Variants in CHD7 observed in about 807,000 individuals in gnomAD.
The protein encoded by CHD7 is ATP-dependent chromatin remodeler CHD7.
A neutral mutation model predicts 307.3 loss-of-function variants in CHD7; 24 were observed. The ratio of observed to expected loss-of-function variants is 0.08; its 90% confidence interval spans 0.06 to 0.11. The LOEUF (loss-of-function observed/expected upper bound fraction) is 0.11, where lower values mean the gene tolerates loss of function less well. Among genes scored for constraint, CHD7 ranks in the 10% least tolerant of loss-of-function variants. The probability of loss-of-function intolerance (pLI) is 1.00; values close to 1 mark genes in which losing one functional copy is unlikely to be tolerated. For missense variants in CHD7, 3,106 were observed against 3,727.1 expected, an observed-to-expected ratio of 0.83 and a Z score of 4.34; for synonymous variants, 1,363 against 1,349.9, an observed-to-expected ratio of 1.01 and a Z score of -0.21.
intron 1 of CHD7, among the ~76,000 whole-genome samples, chr8:60,736,595 C>T (rs972756012): frequency 6.6e-6 from 1 of 152,312 alleles, no homozygotes; most frequent in African/African-American, 2.4e-5. Context: ...CTATACCTCA[C>T]GCTCTTTGGA....
rs1233773478 is a variant in CHD7, at chr8:60,844,856, C to T, written c.4851-8C>T. 1 of 1,574,830 alleles carries T rather than the reference C, an allele frequency of 6.3e-7. No homozygotes were observed. Among genetic ancestry groups the T allele is most frequent in the Non-Finnish European group, 8.6e-7 (1 of 1,157,062 alleles). On this transcript the variant is annotated splice_polypyrimidine_tract_variant and splice_region_variant and intron_variant, in intron 21 of 37. Transcript: ENST00000423902. ...GGCACCTCTGCATGCTGGATATTTG[C>T]TTTGCAGTTGGGGACGGTGGACAGA...
Position 60,741,422 on chromosome 8 carries a change from G to A in CHD7, c.-11G>A, listed in dbSNP as rs748889901. On this transcript the variant is annotated 5_prime_UTR_variant, in exon 2 of 38. Transcript: ENST00000423902. ...GAGCTGTGGTTTGGAGGAGCCGTGT[G>A]TTGGAAGAAGATGGCAGATCCAGGA... is the stretch of plus-strand genomic sequence containing the variant. 1.3e-6 allele frequency: 2 copies of A among 1,589,664 alleles called. No individual in the cohort carries two copies.
At chr8:60,836,760 G>C (rs2150776828) in intron 16 of CHD7, 57 bp from the exon 17 acceptor site, 2 of 1,247,246 alleles carry the variant, frequency 1.6e-6, no homozygotes, top group East Asian at 4.8e-5. Flanking sequence ...TTAAAAAAAG[G>C]AGCAAGTATG....
Position 60,742,327 on chromosome 8 carries a change from G to A in CHD7, c.895G>A (p.Val299Ile). The change falls in exon 2 of 38, where the codon GTC (valine) becomes ATC (isoleucine). Residue 299 changes from valine to isoleucine, a missense_variant. Physicochemically the swap from Val to Ile is conservative, Grantham distance 29. Transcript: ENST00000423902. ...TLNFSSRSQT[V>I]PSPTINNSGQ... ...TAACTTTAGTTCTCGGAGCCAGACA[G>A]TCCCCTCTCCTACTATAAACAACTC... The A allele has an allele frequency of 7.4e-6, 12 of 1,613,930 alleles. No individual in the cohort carries two copies. The highest frequency in any genetic ancestry group is 1.0e-5 in the Non-Finnish European group (12 of 1,179,888).
In CHD7 at chr8:60,742,753, G is replaced by T. The variant is rs1353746682; in HGVS notation, c.1321G>T (p.Gly441Cys). 3 of 1,613,886 alleles carry T rather than the reference G, an allele frequency of 1.9e-6. No individual in the cohort carries two copies. The African/African-American group carries it at 4.0e-5, about 22-fold the overall frequency. ...PHPQPSHQPP[G>C]AMGIGQRNMG... The stretch of plus-strand genomic sequence containing the variant: ...TCCTCAGCCATCTCACCAGCCCCCT[G>T]GTGCCATGGGAATCGGACAGAGGAA... Residue 441 changes from glycine to cysteine, a missense_variant, in exon 2 of 38, where the codon GGT becomes TGT. Coordinates refer to ENST00000423902, the MANE Select transcript of CHD7 (RefSeq NM_017780.4).
chr8:60,754,579 T>C (rs1809794468), intron 2 of CHD7, among the ~76,000 whole-genome samples: 1 of 152,186 alleles, frequency 6.6e-6, no homozygotes, highest in Non-Finnish European at 1.5e-5. Context: ...ACTTACTAGA[T>C]TCTCCATAAG....
chr8:60,778,471 T>A (rs1811056790), intron 2 of CHD7, among the ~76,000 whole-genome samples: 1 of 152,238 alleles, frequency 6.6e-6, no homozygotes, highest in South Asian at 2.1e-4. Context: ...CATGCTAAAG[T>A]GTGTAAACTT....
chr8:60,775,675 T>C (rs2150656901), intron 2 of CHD7, among the ~76,000 whole-genome samples: 1 of 152,364 alleles, frequency 6.6e-6, no homozygotes, highest in East Asian at 1.9e-4. Flanking sequence ...GGACACTCTC[T>C]GTACTGTCTC....
chr8:60,707,723 G>T (rs775579562), intron 1 of CHD7, among the ~76,000 whole-genome samples: 10 of 152,068 alleles, frequency 6.6e-5, no homozygotes, highest in South Asian at 2.1e-4. Flanking sequence ...GAGGGTAAAA[G>T]AAATCTTTAG....
intron 15 of CHD7, among the ~76,000 whole-genome samples, chr8:60,831,108 A>T (rs1804498015): frequency 6.6e-6 from 1 of 152,174 alleles, no homozygotes; most frequent in African/African-American, 2.4e-5. Flanking sequence ...TCTTAACTAA[A>T]TTCATAGTGT....
chr8:60,813,643 A>T (rs1406360431), intron 7 of CHD7, among the ~76,000 whole-genome samples: 1 of 152,108 alleles, frequency 6.6e-6, no homozygotes, highest in Non-Finnish European at 1.5e-5. Flanking sequence ...CAGTGTCAAT[A>T]GAAATAATTG....
rs147830821 is a variant in CHD7 at position 60,723,028 on chromosome 8, T to C, written c.-174-18231T>C. 4.8e-4 allele frequency among the ~76,000 whole-genome samples: 73 copies of C among 152,376 alleles called. No individual in the cohort carries two copies. In the East Asian group the frequency reaches 0.01, roughly 21 times the overall value. ...TGGATCTTTTCACCATTCATGGTTT[T>C]ATAACATTGTTCATTGGTAGTTTGG... is the stretch of plus-strand genomic sequence containing the variant. On this transcript the variant is annotated intron_variant, in intron 1 of 37. Coordinates refer to ENST00000423902, the MANE Select transcript of CHD7 (RefSeq NM_017780.4).
chr8:60,754,071 T>G (rs1035340410), intron 2 of CHD7, among the ~76,000 whole-genome samples: 2 of 152,154 alleles, frequency 1.3e-5, no homozygotes, highest in Non-Finnish European at 2.9e-5. Flanking sequence ...TCATTTAATG[T>G]TTTCTCTGTC....
At chr8:60,863,723 A>G (rs1259316651) in intron 37 of CHD7, 1 of 151,234 alleles carries the variant, frequency 6.6e-6, no homozygotes, top group Non-Finnish European at 1.5e-5. Flanking sequence ...TCTCCCATAC[A>G]ATATCTTTTT....
intron 2 of CHD7, among the ~76,000 whole-genome samples, chr8:60,777,905 T>C (rs1464655128): frequency 1.3e-5 from 2 of 152,210 alleles, no homozygotes; most frequent in Non-Finnish European, 2.9e-5. Flanking sequence ...AGGATGTTAT[T>C]TAAAAATACC....
At chr8:60,830,179 T>C (rs1417327174) in intron 14 of CHD7, 143 bp from the exon 15 acceptor site, 3 of 790,704 alleles carry the variant, frequency 3.8e-6, no homozygotes, top group Non-Finnish European at 6.0e-6. Context: ...AGCTGAGAGA[T>C]GAGCTCCTTC....
intron 1 of CHD7, among the ~76,000 whole-genome samples, chr8:60,687,663 G>A (rs569166620): frequency 6.6e-6 from 1 of 152,126 alleles, no homozygotes; most frequent in Non-Finnish European, 1.5e-5. Flanking sequence ...CATAATGACC[G>A]GCTGTTATTT....
In CHD7 at chr8:60,867,112, A is replaced by C. The variant is rs185002882; in HGVS notation, c.*1179A>C. 1 of 152,328 alleles carries C rather than the reference A, an allele frequency of 6.6e-6. No individual in the cohort carries two copies. Among genetic ancestry groups the C allele is most frequent in the Non-Finnish European group, 1.5e-5 (1 of 68,032 alleles). The allele number at this position is 152,328 out of a possible 1,614,324, so 9.4% of individuals were successfully genotyped here. On this transcript the variant is annotated 3_prime_UTR_variant, in exon 38 of 38. Coordinates refer to ENST00000423902, the MANE Select transcript of CHD7 (RefSeq NM_017780.4). ...ACTCTCACATAATTCCACTCCAGAT[A>C]TCTCAACAGAAATGCATACAAAAAG... is the stretch of plus-strand genomic sequence containing the variant.
chr8:60,754,798 A>T (rs986196317), intron 2 of CHD7, among the ~76,000 whole-genome samples: 1 of 152,246 alleles, frequency 6.6e-6, no homozygotes, highest in Non-Finnish European at 1.5e-5. Context: ...GTCCTGTTTC[A>T]TATTGCTAGG....
Sources: allele counts gnomAD v4.1 joint callset (sites outside exome capture counted in the v4.1 genomes callset), GRCh38; gene constraint gnomAD v4.1.1; transcripts MANE v1.5; gene names NCBI Gene and HGNC (gene_info 2026-07-23, HGNC 2026-07-21).